The following PAM variants were observed in gnomAD, a reference collection of about 807,000 sequenced individuals.
PAM encodes peptidylglycine alpha-amidating monooxygenase.
A neutral mutation model predicts 122.1 loss-of-function variants in PAM; 72 were observed. The observed-to-expected ratio is 0.59, with a 90% CI of 0.49 to 0.72. PAM has a LOEUF of 0.72. Ranked by LOEUF, PAM falls within the 30% of genes least tolerant of loss-of-function variation. The probability of loss-of-function intolerance (pLI) is 0.00; values close to 1 mark genes in which losing one functional copy is unlikely to be tolerated. For missense variants in PAM, 1,106 were observed against 1,183.7 expected (o/e 0.93, Z 0.96); for synonymous variants, 389 against 404.4 (o/e 0.96, Z 0.46).
At chr5:102,792,534 C>G (rs565426983) in intron 1 of PAM, among the ~76,000 whole-genome samples, 7 of 152,094 alleles carry the variant, frequency 4.6e-5, no homozygotes, top group Non-Finnish European at 8.8e-5. Flanking sequence ...GCACTCTTTT[C>G]TGCTTTTAAA....
chr5:102,763,469 A>G (rs1752990838), intron 1 of PAM, among the ~76,000 whole-genome samples: 1 of 152,180 alleles, frequency 6.6e-6, no homozygotes, highest in South Asian at 2.1e-4. Context: ...GAGGAAGACA[A>G]TCCCTAATAA....
chr5:103,025,076 G>A (rs1164304568), intron 23 of PAM, 55 bp from the exon 24 acceptor site: 3 of 1,255,546 alleles, frequency 2.4e-6, no homozygotes, highest in Admixed American at 1.7e-5. Flanking sequence ...GGTGGGTAAG[G>A]GGGTTTTGAA....
chr5:102,918,165 T>C (rs1412816958), intron 5 of PAM, among the ~76,000 whole-genome samples: 1 of 152,038 alleles, frequency 6.6e-6, no homozygotes, highest in African/African-American at 2.4e-5. Flanking sequence ...TGCTGACCCA[T>C]GTAAAGAAAG....
At chr5:102,953,391 G>GA (rs970602691) in intron 12 of PAM, among the ~76,000 whole-genome samples, 3 of 152,222 alleles carry the variant, frequency 2.0e-5, no homozygotes, top group South Asian at 2.1e-4. Context: ...GGAGGGGGGG[G>GA]AATCCTGTCA....
intron 21 of PAM, among the ~76,000 whole-genome samples, chr5:103,011,244 G>A (rs1277722555): frequency 1.3e-5 from 2 of 152,086 alleles, no homozygotes; most frequent in African/African-American, 4.8e-5. Flanking sequence ...CATGTGGCAA[G>A]TAAAACCTGC....
chr5:102,882,134 CATT>C (rs1288975781), intron 3 of PAM, among the ~76,000 whole-genome samples: 1 of 122,806 alleles, frequency 8.1e-6, no homozygotes, highest in Non-Finnish European at 1.7e-5. Flanking sequence ...TTTATCCACT[CATT>C]GTTGGATGGG....
intron 15 of PAM, among the ~76,000 whole-genome samples, chr5:102,979,037 C>CAA (rs1768762913): frequency 7.0e-6 from 1 of 143,272 alleles, no homozygotes; most frequent in Non-Finnish European, 1.5e-5. Context: ...GCATCACACA[C>CAA]ACACACACAC....
At chr5:102,857,579 A>G in intron 1 of PAM, among the ~76,000 whole-genome samples, 1 of 152,182 alleles carries the variant, frequency 6.6e-6, no homozygotes, top group East Asian at 1.9e-4. Context: ...TAGTATATGA[A>G]TGGAAAAAAG....
intron 1 of PAM, 178 bp from the exon 2 acceptor site, chr5:102,865,645 G>A (rs1044241549): frequency 6.6e-6 from 1 of 152,288 alleles, no homozygotes; most frequent in African/African-American, 2.4e-5. Context: ...TGCGCCGTGG[G>A]GGTTCCTGAA....
intron 1 of PAM, among the ~76,000 whole-genome samples, chr5:102,802,702 T>C (rs1280087065): frequency 6.6e-6 from 1 of 152,170 alleles, no homozygotes; most frequent in Non-Finnish European, 1.5e-5. Context: ...TACAACACTG[T>C]TCCAGAATAC....
chr5:102,953,083 A>C (rs931831517), intron 12 of PAM, among the ~76,000 whole-genome samples: 1 of 152,194 alleles, frequency 6.6e-6, no homozygotes, highest in East Asian at 1.9e-4. Flanking sequence ...AAAACCGTTG[A>C]CAGTAGCCTA....
rs116283376 is a variant in PAM at position 102,812,494 on chromosome 5, C to G, written c.-373-53329C>G. ...GAAAAAAAGGAGATGGAAAGAAAAC[C>G]AACTGTTTTCCTACACATATTCTTT... On this transcript the variant is annotated intron_variant, in intron 1 of 25. Transcript: ENST00000438793. 2.1e-3 allele frequency among the ~76,000 whole-genome samples: 316 copies of G among 152,098 alleles called. 3 individuals are homozygous for G. Among genetic ancestry groups the G allele is most frequent in the African/African-American group, 7.4e-3 (309 of 41,518 alleles).
chr5:102,921,017 C>T (rs552894018), intron 5 of PAM, among the ~76,000 whole-genome samples: 7 of 152,130 alleles, frequency 4.6e-5, no homozygotes, highest in Admixed American at 2.6e-4. Flanking sequence ...GTGGATTAGA[C>T]GTGAAAAAGG....
At chr5:102,943,623 AGAT>A (rs1756023434) in intron 7 of PAM, among the ~76,000 whole-genome samples, 1 of 152,204 alleles carries the variant, frequency 6.6e-6, no homozygotes, top group Non-Finnish European at 1.5e-5. Context: ...TTTGATACTC[AGAT>A]GTGTCACCAA....
chr5:102,856,602 T>C (rs1782693776), intron 1 of PAM, among the ~76,000 whole-genome samples: 1 of 152,220 alleles, frequency 6.6e-6, no homozygotes, highest in South Asian at 2.1e-4. Flanking sequence ...GAATTATATG[T>C]CTTGTTATTT....
intron 7 of PAM, among the ~76,000 whole-genome samples, chr5:102,945,166 G>C (rs1756618080): frequency 6.6e-6 from 1 of 152,022 alleles, no homozygotes; most frequent in South Asian, 2.1e-4. Context: ...ACTACTTAGA[G>C]TTTCTTACTG....
chr5:102,828,742 G>C (rs1393126105), intron 1 of PAM, among the ~76,000 whole-genome samples: 1 of 152,180 alleles, frequency 6.6e-6, no homozygotes, highest in Non-Finnish European at 1.5e-5. Flanking sequence ...TTTAGGATTA[G>C]AGCTAATGTA....
chr5:102,857,688 C>T (rs1238164480), intron 1 of PAM, among the ~76,000 whole-genome samples: 1 of 152,144 alleles, frequency 6.6e-6, no homozygotes, highest in African/African-American at 2.4e-5. Flanking sequence ...GCTTTGTGTC[C>T]AGTTGCCACT....
chr5:102,940,954 C>T (rs1388542013), intron 7 of PAM, among the ~76,000 whole-genome samples: 2 of 152,060 alleles, frequency 1.3e-5, no homozygotes, highest in Non-Finnish European at 2.9e-5. Flanking sequence ...AAATTTAGCA[C>T]TGTACTTTAA....
Sources: allele counts gnomAD v4.1 joint callset (sites outside exome capture counted in the v4.1 genomes callset), GRCh38; gene constraint gnomAD v4.1.1; transcripts MANE v1.5; gene names NCBI Gene and HGNC (gene_info 2026-07-23, HGNC 2026-07-21).